ZNF680: variants seen among roughly 807,000 people sequenced by gnomAD.
The protein encoded by ZNF680 is zinc finger protein 680, also known as hypothetical protein FLJ90430.
ZNF680 carries 6 observed loss-of-function variants against 12.1 expected under a neutral mutation model. The ratio of observed to expected loss-of-function variants is 0.49; its 90% CI spans 0.27 to 0.98. ZNF680 has a LOEUF of 0.98. ZNF680 is among the 50% of genes least tolerant of loss of function. ZNF680 has a pLI of 0.12. For missense variants in ZNF680, 561 were observed against 616.3 expected, an observed-to-expected ratio of 0.91 and a Z score of 0.95; for synonymous variants, 170 against 199.3, an observed-to-expected ratio of 0.85 and a Z score of 1.24.
At chr7:64,529,057 A>C (rs1330707283) in intron 3 of ZNF680, among the ~76,000 whole-genome samples, 1 of 152,194 alleles carries the variant, frequency 6.6e-6, no homozygotes, top group East Asian at 1.9e-4. Context: ...CTGGGTGGCT[A>C]TACCTAGAAG....
intron 3 of ZNF680, chr7:64,525,761 C>A: frequency 1.0e-6 from 1 of 958,920 alleles, no homozygotes; most frequent in Non-Finnish European, 1.2e-6. Flanking sequence ...AAGTTTTTCT[C>A]CCACACAAAA....
At chr7:64,561,313 C>T (rs1034958295) in intron 1 of ZNF680, 2 of 152,634 alleles carry the variant, frequency 1.3e-5, no homozygotes, top group Non-Finnish European at 2.9e-5. Flanking sequence ...ATTCATTAGG[C>T]ACTCTAGCAG....
chr7:64,532,378 G>C (rs1251636896), intron 3 of ZNF680, among the ~76,000 whole-genome samples: 2 of 151,736 alleles, frequency 1.3e-5, no homozygotes, highest in African/African-American at 4.8e-5. Context: ...TATTACAACT[G>C]ATACCACATT....
At chr7:64,537,272 T>C (rs1227486926) in intron 3 of ZNF680, among the ~76,000 whole-genome samples, 1 of 152,096 alleles carries the variant, frequency 6.6e-6, no homozygotes, top group East Asian at 1.9e-4. Flanking sequence ...GGATTACCTG[T>C]GCCTAGGAGT....
At chr7:64,503,585 T>G in the ZNF680 span, among the ~76,000 whole-genome samples, 1 of 152,138 alleles carries the variant, frequency 6.6e-6, no homozygotes, top group Non-Finnish European at 1.5e-5. Context: ...TTCACCATGT[T>G]GGTCAGGCTG....
chr7:64,530,665 C>G (rs1354841328), intron 3 of ZNF680, among the ~76,000 whole-genome samples: 1 of 151,896 alleles, frequency 6.6e-6, no homozygotes, highest in East Asian at 1.9e-4. Context: ...TCAAGACCAG[C>G]CTGGCCAAAA....
In ZNF680 at chr7:64,557,660, G is replaced by T. The variant is rs534657372; in HGVS notation, c.30+5265C>A. Among the ~76,000 whole-genome samples, 7 of 152,350 alleles carry T rather than the reference G, an allele frequency of 4.6e-5. No individual in the cohort carries two copies. In the East Asian group the frequency reaches 1.3e-3, roughly 29 times the overall value. On this transcript the variant is annotated intron_variant, in intron 1 of 3. Coordinates refer to ENST00000309683, the MANE Select transcript of ZNF680 (RefSeq NM_178558.5). ...CCCAGCACTTTGGGAGGCTGAGGCA[G>T]GCAGATCACTTGAGGTCAGGAGTTT...
downstream of ZNF680, among the ~76,000 whole-genome samples, chr7:64,518,913 G>A (rs930545834): frequency 5.3e-5 from 8 of 151,824 alleles, no homozygotes; most frequent in African/African-American, 1.2e-4. Context: ...TTGGAAAAAC[G>A]TTTCTAGACA....
At chr7:64,550,954 C>T (rs1279729211) in intron 1 of ZNF680, among the ~76,000 whole-genome samples, 2 of 152,168 alleles carry the variant, frequency 1.3e-5, no homozygotes. Context: ...AGCAACTCCA[C>T]AATGACTGAA....
At chr7:64,540,516 G>A (rs962907828) in intron 3 of ZNF680, among the ~76,000 whole-genome samples, 3 of 151,998 alleles carry the variant, frequency 2.0e-5, no homozygotes, top group African/African-American at 7.2e-5. Context: ...TATTGGCCAG[G>A]CTGGTCTCGA....
At chr7:64,506,257 C>T in the ZNF680 span, among the ~76,000 whole-genome samples, 5 of 146,550 alleles carry the variant, frequency 3.4e-5, no homozygotes, top group Admixed American at 2.8e-4. Flanking sequence ...AGTGCAGGGG[C>T]GCCGGCGCCA....
chr7:64,523,737 C>A (rs187638163), intron 3 of ZNF680, among the ~76,000 whole-genome samples: 5,929 of 151,872 alleles, frequency 0.039, 375 homozygotes, highest in East Asian at 0.32. Flanking sequence ...CATGGTGAAA[C>A]CCTGTCTCTA....
At chr7:64,526,628 T>C (rs1791862729) in intron 3 of ZNF680, 1 of 328,140 alleles carries the variant, frequency 3.0e-6, no homozygotes. Context: ...TAAATGTAAA[T>C]ATACACACAC....
At chr7:64,523,285 T>C (rs1584349024) in intron 3 of ZNF680, among the ~76,000 whole-genome samples, 2 of 152,148 alleles carry the variant, frequency 1.3e-5, no homozygotes, top group East Asian at 3.8e-4. Context: ...AGAACTTTTA[T>C]ATGCAAGGGA....
intron 1 of ZNF680, among the ~76,000 whole-genome samples, chr7:64,557,852 A>G (rs1023817286): frequency 2.0e-5 from 3 of 152,214 alleles, no homozygotes; most frequent in African/African-American, 7.2e-5. Flanking sequence ...ACACAGGCCT[A>G]GTTGAGGGTG....
rs375347892 is a variant in ZNF680 at position 64,544,846 on chromosome 7, C to T, written c.31-414G>A. 8.5e-5 allele frequency among the ~76,000 whole-genome samples: 13 copies of T among 152,236 alleles called. No individual in the cohort carries two copies. The East Asian group carries it at 1.2e-3, about 14-fold the overall frequency. ...ACAATAAACTGAAGATCTTATTATG[C>T]GGATTGTTTTTAGAAAATCTGGAAT... On this transcript the variant is annotated intron_variant, in intron 1 of 3. Coordinates refer to ENST00000309683, the MANE Select transcript of ZNF680 (RefSeq NM_178558.5).
the ZNF680 span, among the ~76,000 whole-genome samples, chr7:64,510,201 AG>A: frequency 6.9e-6 from 1 of 144,140 alleles, no homozygotes; most frequent in African/African-American, 2.6e-5. Flanking sequence ...ACCTAATTAA[AG>A]TCTTGGTGAT....
chr7:64,532,197 C>T (rs1785921428), intron 3 of ZNF680, among the ~76,000 whole-genome samples: 2 of 151,462 alleles, frequency 1.3e-5, no homozygotes, highest in Non-Finnish European at 2.9e-5. Context: ...CCCAGCTACT[C>T]GGGAGGCTGA....
chr7:64,519,268 G>A (rs192685184), downstream of ZNF680, among the ~76,000 whole-genome samples: 320 of 151,996 alleles, frequency 2.1e-3, 3 homozygotes, highest in African/African-American at 7.3e-3. Context: ...TCAGAGTAAT[G>A]CAAATGAAAA....
Sources: allele counts gnomAD v4.1 joint callset (sites outside exome capture counted in the v4.1 genomes callset), GRCh38; gene constraint gnomAD v4.1.1; transcripts MANE v1.5; gene names NCBI Gene and HGNC (gene_info 2026-07-23, HGNC 2026-07-21).